CD4: variants seen among roughly 807,000 people sequenced by gnomAD.
CD4 encodes CD4 molecule, also known as T-cell surface glycoprotein CD4.
In CD4, 25 loss-of-function variants were observed where a neutral mutation model predicts 50.5. The observed-to-expected ratio is 0.49, with a 90% confidence interval of 0.36 to 0.69. The LOEUF is 0.69. Among genes scored for constraint, CD4 ranks in the 30% least tolerant of loss-of-function variants. The probability of loss-of-function intolerance (pLI) is 0.00; values close to 1 mark genes in which losing one functional copy is unlikely to be tolerated. For missense variants in CD4, 456 were observed against 548.5 expected, an observed-to-expected ratio of 0.83 and a Z score of 1.68; for synonymous variants, 207 against 221.9, an observed-to-expected ratio of 0.93 and a Z score of 0.60.
At chr12:6,794,786 G>GTTTTTTTTTTTTTTTTTTTTTTTTT (rs1220016459) in intron 1 of CD4, among the ~76,000 whole-genome samples, 2 of 105,370 alleles carry the variant, frequency 1.9e-5, no homozygotes, top group Non-Finnish European at 3.8e-5. Context: ...TTTTTTTTTT[G>GTTTTTTTTTTTTTTTTTTTTTTTTT]TTTTTTTTTT....
rs1486159625 is a variant in CD4 at position 6,817,352 on chromosome 12, C to CCTCT, written c.1156+23_1156+26dup. 1.9e-6 allele frequency: 3 copies of CCTCT among 1,544,560 alleles called. No homozygotes were observed. The East Asian group carries it at 7.3e-5, about 38-fold the overall frequency. On this transcript the variant is annotated intron_variant, in intron 7 of 9. Transcript: ENST00000011653. The stretch of plus-strand genomic sequence containing the variant: ...AAGGGTAAGGACCCAGGTTCCAAGG[C>CCTCT]CTCTGCCTCCTGGGCTGCGGGACCT...
intron 3 of CD4, among the ~76,000 whole-genome samples, chr12:6,807,941 G>A (rs1217149455): frequency 6.6e-6 from 1 of 151,996 alleles, no homozygotes; most frequent in Non-Finnish European, 1.5e-5. Flanking sequence ...TTAGCTGGGC[G>A]TGGTGGCAAG....
chr12:6,818,658 C>T lies in CD4; in HGVS notation c.1278+116C>T, dbSNP rs1349727848. 6 of 1,326,586 alleles carry T rather than the reference C, an allele frequency of 4.5e-6. No individual in the cohort carries two copies. Among genetic ancestry groups the T allele is most frequent in the South Asian group, 1.3e-5 (1 of 78,040 alleles). 82.2% of individuals were successfully genotyped at this position (1,326,586 alleles called of 1,614,324 possible). A position where few individuals can be genotyped will look rare whatever the true frequency, so the allele number is the denominator to read the frequency against. ...AGCTCCCTCTGCCCACTCGTAAGTT[C>T]CCTTGCTGCCCTGTCCCAGATCCCA... On this transcript the variant is annotated intron_variant, in intron 8 of 9. Coordinates refer to ENST00000011653, the MANE Select transcript of CD4 (RefSeq NM_000616.5). The surrounding 1 kb of genome is among the most constrained non-coding windows in gnomAD (Gnocchi z 5.0).
intron 1 of CD4, among the ~76,000 whole-genome samples, chr12:6,798,273 C>A (rs562732578): frequency 1.1e-5 from 1 of 91,686 alleles, no homozygotes; most frequent in Admixed American, 9.8e-5. Flanking sequence ...GGGTTCACGC[C>A]ATTCTCCTGC....
chr12:6,817,441 G>T, intron 7 of CD4, 111 bp downstream of exon 7: 1 of 904,742 alleles, frequency 1.1e-6, no homozygotes, highest in Non-Finnish European at 1.7e-6. Context: ...GGGGGTTATG[G>T]GTATGGTGTC....
intron 3 of CD4, among the ~76,000 whole-genome samples, chr12:6,811,120 G>A (rs1465829642): frequency 6.6e-6 from 1 of 152,074 alleles, no homozygotes; most frequent in Non-Finnish European, 1.5e-5. Flanking sequence ...AAGAGGGAGA[G>A]GACCTGGGCA....
chr12:6,794,780 T>G (rs1226745684), intron 1 of CD4, among the ~76,000 whole-genome samples: 3 of 133,430 alleles, frequency 2.2e-5, no homozygotes, highest in African/African-American at 5.7e-5. Flanking sequence ...TGTCTGTTTT[T>G]TTTTTGTTTT....
At chr12:6,809,418 C>G (rs986802687) in intron 3 of CD4, among the ~76,000 whole-genome samples, 2 of 152,022 alleles carry the variant, frequency 1.3e-5, no homozygotes, top group African/African-American at 4.8e-5. Context: ...ATCTCTTGAG[C>G]CCACGAGGTA....
chr12:6,803,641 C>T (rs1275107024), intron 3 of CD4, among the ~76,000 whole-genome samples: 6 of 149,244 alleles, frequency 4.0e-5, no homozygotes, highest in African/African-American at 1.5e-4. Flanking sequence ...AAAAATTAGC[C>T]AGGCGTGGTG....
chr12:6,796,602 C>G (rs1446226643), intron 1 of CD4, among the ~76,000 whole-genome samples: 1 of 152,196 alleles, frequency 6.6e-6, no homozygotes, highest in East Asian at 1.9e-4. Context: ...GTTACCACAT[C>G]AAGCTTCCCG....
intron 3 of CD4, 128 bp from the exon 4 acceptor site, chr12:6,814,014 A>G (rs1943014962): frequency 1.2e-6 from 1 of 802,192 alleles, no homozygotes; most frequent in Non-Finnish European, 2.0e-6. Context: ...GGTTTCTCTG[A>G]TTAGAACGAG....
chr12:6,789,680 G>A lies in CD4; in HGVS notation c.-68+18G>A, dbSNP rs199785127. On this transcript the variant is annotated intron_variant, in intron 1 of 9. Transcript: ENST00000011653. ...GCCCAGAGGTAAGGTGGTCAGACTCGGCTTCCTTCCCCGGAGCTGAGAGGG... is the reference window on the plus strand; with the variant it reads ...GCCCAGAGGTAAGGTGGTCAGACTCAGCTTCCTTCCCCGGAGCTGAGAGGG... 5.1e-4 allele frequency: 77 copies of A among 152,378 alleles called. 1 individual carries two copies. Among genetic ancestry groups the A allele is most frequent in the African/African-American group, 1.6e-3 (68 of 41,584 alleles). The allele number at this position is 152,378 out of a possible 1,614,324, so 9.4% of individuals were successfully genotyped here.
chr12:6,816,287 T>C lies in CD4; in HGVS notation c.839T>C (p.Leu280Pro). The change falls in exon 6 of 10, where the codon CTC (leucine) becomes CCC (proline). Residue 280 changes from leucine (L) to proline (P), a missense_variant. Transcript: ENST00000011653. This position sits in a 1 kb window ranked among gnomAD's most constrained non-coding sequence, Gnocchi z 4.9. ...CTCCAGATGGGCAAGAAGCTCCCGC[T>C]CCACCTCACCCTGCCCCAGGCCTTG... ...PKLQMGKKLP[L>P]HLTLPQALPQ... The C allele has an allele frequency of 6.2e-7, 1 of 1,614,132 alleles. No homozygotes were observed. The highest frequency in any genetic ancestry group is 1.6e-4 in the Middle Eastern group (1 of 6,062).
chr12:6,815,897 G>A, intron 5 of CD4, 159 bp from the exon 6 acceptor site: 1 of 1,521,686 alleles, frequency 6.6e-7, no homozygotes, highest in Non-Finnish European at 8.8e-7. Flanking sequence ...AGAGAAGGCT[G>A]GAGAGGTAGG....
chr12:6,793,035 G>A (rs1237238735), intron 1 of CD4, among the ~76,000 whole-genome samples: 6 of 152,116 alleles, frequency 3.9e-5, no homozygotes, highest in Non-Finnish European at 7.4e-5. Context: ...AGCCTCTCTC[G>A]GAGTGCTGGT....
chr12:6,806,639 G>T (rs961863467), intron 3 of CD4, among the ~76,000 whole-genome samples: 1 of 152,066 alleles, frequency 6.6e-6, no homozygotes, highest in East Asian at 1.9e-4. Context: ...GGCCGAAAAG[G>T]ACATACAGTT....
intron 1 of CD4, among the ~76,000 whole-genome samples, chr12:6,791,634 C>A (rs562218460): frequency 6.6e-6 from 1 of 152,290 alleles, no homozygotes; most frequent in East Asian, 1.9e-4. Flanking sequence ...TAATCCCAGC[C>A]CTTTGAGAGG....
chr12:6,791,037 T>C (rs575109382), intron 1 of CD4, among the ~76,000 whole-genome samples: 57 of 152,352 alleles, frequency 3.7e-4, no homozygotes, highest in African/African-American at 1.3e-3. Flanking sequence ...AAAGAGCCCC[T>C]GAGGACAGCG....
Position 6,800,204 on chromosome 12 carries a change from G to C in CD4, c.49+17G>C, listed in dbSNP as rs781900879. 2 of 1,562,174 alleles carry C rather than the reference G, an allele frequency of 1.3e-6. No individual in the cohort carries two copies. Among genetic ancestry groups the C allele is most frequent in the Admixed American group, 3.6e-5 (2 of 55,066 alleles). On this transcript the variant is annotated intron_variant, in intron 2 of 9. Coordinates refer to ENST00000011653, the MANE Select transcript of CD4 (RefSeq NM_000616.5). ...TGCAACTGGGTAAGTTCTCAGACCTGGGGTCTCAATGCAGATGACGTGGGA... is the reference window on the plus strand; with the variant it reads ...TGCAACTGGGTAAGTTCTCAGACCTCGGGTCTCAATGCAGATGACGTGGGA...
Sources: allele counts gnomAD v4.1 joint callset (sites outside exome capture counted in the v4.1 genomes callset), GRCh38; gene constraint gnomAD v4.1.1; non-coding constraint Gnocchi (gnomAD v3.1); transcripts MANE v1.5; gene names NCBI Gene and HGNC (gene_info 2026-07-23, HGNC 2026-07-21).